The following GRHL3 variants were observed in gnomAD, a reference collection of about 807,000 sequenced individuals.
GRHL3 encodes grainyhead-like protein 3 homolog.
GRHL3 carries 20 observed loss-of-function variants against 70.3 expected under a neutral mutation model. That is an observed-to-expected ratio of 0.28 (90% CI 0.20 to 0.41). The LOEUF (loss-of-function observed/expected upper bound fraction) is 0.41. GRHL3 is among the 10% of genes least tolerant of loss of function. The pLI is 1.00. For synonymous variants in GRHL3, 299 were observed against 299.9 expected (o/e 1.00, Z 0.03); for missense variants, 637 against 762.3 (o/e 0.84, Z 1.94).
chr1:24,362,061 A>C (rs1299991305), intron 15 of GRHL3, among the ~76,000 whole-genome samples: 1 of 152,154 alleles, frequency 6.6e-6, no homozygotes, highest in African/African-American at 2.4e-5. Flanking sequence ...AGGGGAGAGG[A>C]GGTTCTCCGC....
In GRHL3 at chr1:24,322,268, G is replaced by A. The variant is rs572892665; in HGVS notation, c.17+2700G>A. Among the ~76,000 whole-genome samples the A allele has an allele frequency of 2.0e-4, 30 of 152,260 alleles. No homozygotes were observed. Among genetic ancestry groups the A allele is most frequent in the African/African-American group, 6.7e-4 (28 of 41,572 alleles). ...CCGCCTGGAGTCTCCCCTCAGCCTC[G>A]CAGAGACGCGACTCGGTTGGGGGAA... On this transcript the variant is annotated intron_variant, in intron 1 of 15. Coordinates refer to ENST00000361548, the MANE Select transcript of GRHL3 (RefSeq NM_198173.3). This position sits in a 1 kb window ranked among gnomAD's most constrained non-coding sequence, Gnocchi z 4.4.
At chr1:24,343,334 C>T (rs1412726456) in intron 11 of GRHL3, 2 of 340,878 alleles carry the variant, frequency 5.9e-6, no homozygotes, top group Middle Eastern at 8.6e-4. Flanking sequence ...ATTCTCACGG[C>T]AGCACTTGTG....
Position 24,332,900 on chromosome 1 carries a change from C to T in GRHL3, c.204+1288C>T, listed in dbSNP as rs570584420. Among the ~76,000 whole-genome samples, 10 of 152,324 alleles carry T rather than the reference C, an allele frequency of 6.6e-5. No individual in the cohort carries two copies. The East Asian group carries it at 1.9e-3, about 29-fold the overall frequency. On this transcript the variant is annotated intron_variant, in intron 2 of 15. Coordinates refer to ENST00000361548, the MANE Select transcript of GRHL3 (RefSeq NM_198173.3). ...GGTCTGGTTACCCTACCTCCCTCCT[C>T]CCCGGCAGACTGGTGGCATCCAGAG... is the stretch of plus-strand genomic sequence containing the variant.
At position 24,346,627 on chromosome 1, in the gene GRHL3, G is replaced by A. The variant is rs1359234448; in HGVS notation, c.1529G>A (p.Gly510Asp). Residue 510 changes from glycine (G) to aspartate (D), a missense_variant, in exon 13 of 16, where the codon GGC becomes GAC. Around this residue, in one of 2 missense-constraint regions of GRHL3, gnomAD observed 387 missense variants for 513.8 expected, o/e 0.75. Transcript: ENST00000361548. ...CTGCCCTCCAAGCAGGCCAAGGAAGGCGACCTTCAGAGAGGTGACCTCCCG... is the reference window on the plus strand; with the variant it reads ...CTGCCCTCCAAGCAGGCCAAGGAAGACGACCTTCAGAGAGGTGACCTCCCG... The part of the protein sequence containing the change: ...EPLPSKQAKE[G>D]DLQRVLLYVR... 11 of 1,612,286 alleles carry A rather than the reference G, an allele frequency of 6.8e-6. No individual in the cohort carries two copies. The highest frequency in any genetic ancestry group is 1.3e-5 in the African/African-American group (1 of 74,902).
rs142818538 is a variant in GRHL3 at position 24,354,539 on chromosome 1, G to A, written c.*51G>A. 103 of 1,148,058 alleles carry A rather than the reference G, an allele frequency of 9.0e-5. 2 individuals carry two copies. Among genetic ancestry groups the A allele is most frequent in the African/African-American group, 5.6e-4 (37 of 66,388 alleles). The allele number at this position is 1,148,058 out of a possible 1,614,324, so 71.1% of individuals were successfully genotyped here. On this transcript the variant is annotated 3_prime_UTR_variant, in exon 16 of 16. Transcript: ENST00000361548. ...CGACCTGCAAGGGGCCAGCAGGGACGTGGCCCCACGCCACACACAACCTCT... is the reference window on the plus strand; with the variant it reads ...CGACCTGCAAGGGGCCAGCAGGGACATGGCCCCACGCCACACACAACCTCT...
chr1:24,345,267 C>T, intron 12 of GRHL3, among the ~76,000 whole-genome samples: 1 of 134,424 alleles, frequency 7.4e-6, no homozygotes, highest in Non-Finnish European at 1.6e-5. Context: ...GCCCCCTCCA[C>T]ACCTGTGCCC....
chr1:24,332,389 G>A (rs1639645423), intron 2 of GRHL3, among the ~76,000 whole-genome samples: 1 of 152,116 alleles, frequency 6.6e-6, no homozygotes, highest in South Asian at 2.1e-4. Context: ...TAGGAATTAG[G>A]TCCTCCCATA....
intron 15 of GRHL3, among the ~76,000 whole-genome samples, chr1:24,351,812 A>ACTGGGCTGCATCACTCC (rs1640520532): frequency 1.3e-5 from 2 of 152,188 alleles, no homozygotes; most frequent in South Asian, 4.1e-4. Context: ...CATGCCAGGC[A>ACTGGGCTGCATCACTCC]CTGGGCTGCA....
chr1:24,331,411 C>T lies in GRHL3; in HGVS notation c.18-15C>T. 6.3e-7 allele frequency: 1 copy of T among 1,599,606 alleles called. No individual in the cohort carries two copies. Among genetic ancestry groups the T allele is most frequent in the South Asian group, 1.1e-5 (1 of 88,748 alleles). ...CTGGGATAGCCTAAATTTGACTCTC[C>T]TTACTTGCATTCAGTTTCAGGTCTG... On this transcript the variant is annotated splice_polypyrimidine_tract_variant and intron_variant, in intron 1 of 15. Transcript: ENST00000361548.
intron 15 of GRHL3, among the ~76,000 whole-genome samples, chr1:24,351,827 T>TCC (rs1640521359): frequency 6.6e-6 from 1 of 152,172 alleles, no homozygotes; most frequent in Non-Finnish European, 1.5e-5. Flanking sequence ...GCTGCATCAC[T>TCC]CCCAAGCATC....
intron 15 of GRHL3, chr1:24,360,949 T>C (rs776050688): frequency 3.7e-6 from 6 of 1,614,042 alleles, no homozygotes; most frequent in Non-Finnish European, 5.1e-6. Context: ...GGGGCCTAAG[T>C]AGTCCACGAT....
At chr1:24,352,644 G>C (rs1387434874) in intron 15 of GRHL3, among the ~76,000 whole-genome samples, 4 of 152,176 alleles carry the variant, frequency 2.6e-5, no homozygotes, top group African/African-American at 9.7e-5. Context: ...CTTCCAGCTG[G>C]TACATATCAG....
rs6660854 is a variant in GRHL3 at position 24,331,625 on chromosome 1, C to A, written c.204+13C>A. On this transcript the variant is annotated intron_variant, in intron 2 of 15. Coordinates refer to ENST00000361548, the MANE Select transcript of GRHL3 (RefSeq NM_198173.3). ...TGATTACTACATGGTACGTCTACCC[C>A]CTCTGGACATGCCCCGTTTTGACTG... 14 of 1,603,802 alleles carry A rather than the reference C, an allele frequency of 8.7e-6. No individual in the cohort carries two copies. Among genetic ancestry groups the A allele is most frequent in the Non-Finnish European group, 1.1e-5 (13 of 1,173,676 alleles).
Position 24,334,424 on chromosome 1 carries a change from C to G in GRHL3, c.205-221C>G, listed in dbSNP as rs551693528. The stretch of plus-strand genomic sequence containing the variant: ...ATCAGATACGATGAGAACTCACTGT[C>G]ACGAGAACAGCAGCATGGGAGTAAC... On this transcript the variant is annotated intron_variant, in intron 2 of 15. Transcript: ENST00000361548. This position sits in a 1 kb window ranked among gnomAD's most constrained non-coding sequence, Gnocchi z 4.3. 6.6e-6 allele frequency among the ~76,000 whole-genome samples: 1 copy of G among 152,196 alleles called. No homozygotes were observed. The highest frequency in any genetic ancestry group is 2.4e-5 in the African/African-American group (1 of 41,532).
In GRHL3 at chr1:24,342,800, G is replaced by T; in HGVS notation, c.1285+28G>T. 1 of 1,613,862 alleles carries T rather than the reference G, an allele frequency of 6.2e-7. No individual in the cohort carries two copies. The highest frequency in any genetic ancestry group is 8.5e-7 in the Non-Finnish European group (1 of 1,179,722). ...CAGTGGGGATCCAGGGCCTGGGTGG[G>T]CTCGGCTGGCGTGAAGGGGAGAAGG... is the stretch of plus-strand genomic sequence containing the variant. On this transcript the variant is annotated intron_variant, in intron 10 of 15. Coordinates refer to ENST00000361548, the MANE Select transcript of GRHL3 (RefSeq NM_198173.3). The surrounding 1 kb of genome is among the most constrained non-coding windows in gnomAD (Gnocchi z 4.8).
At chr1:24,339,832 T>A in intron 8 of GRHL3, 70 bp downstream of exon 8, 1 of 956,084 alleles carries the variant, frequency 1.0e-6, no homozygotes, top group East Asian at 2.5e-5. Flanking sequence ...GGTAGAGGCT[T>A]TCTTGCACCT....
intron 5 of GRHL3, 61 bp from the exon 6 acceptor site, chr1:24,337,575 C>T (rs1639870786): frequency 6.4e-7 from 1 of 1,562,706 alleles, no homozygotes; most frequent in Admixed American, 1.7e-5. Context: ...TGCCCCACTG[C>T]CCTCTAGGAG....
chr1:24,352,584 G>A (rs1262648512), intron 15 of GRHL3, among the ~76,000 whole-genome samples: 2 of 152,198 alleles, frequency 1.3e-5, no homozygotes, highest in Admixed American at 6.5e-5. Context: ...GTGAGCAGGT[G>A]TGAGCTCAGG....
intron 14 of GRHL3, 50 bp downstream of exon 14, chr1:24,347,603 CTG>C: frequency 1.5e-6 from 2 of 1,361,134 alleles, no homozygotes; most frequent in Non-Finnish European, 2.1e-6. Context: ...CTCTAGGCTC[CTG>C]TCCCCACTCC....
Sources: gnomAD v4.1 joint callset for allele counts (sites outside exome capture counted in the v4.1 genomes callset) on GRCh38, gnomAD v4.1.1 for gene constraint, gnomAD v4.1.1 regional missense constraint, Gnocchi (gnomAD v3.1) non-coding constraint, MANE v1.5 for transcripts, NCBI Gene and HGNC (gene_info 2026-07-23, HGNC 2026-07-21) for gene names.